The following ACVR1B variants were observed in gnomAD, a reference collection of about 807,000 sequenced individuals.
ACVR1B encodes the protein activin A receptor type 1B.
Under a neutral mutation model 55.6 loss-of-function variants are expected in ACVR1B, and 15 were observed. The ratio of observed to expected loss-of-function variants is 0.27; its 90% confidence interval spans 0.18 to 0.42. ACVR1B has a LOEUF of 0.42. Ranked by LOEUF, ACVR1B falls within the 10% of genes least tolerant of loss-of-function variation. ACVR1B has a pLI of 1.00. For missense variants in ACVR1B, 359 were observed against 670.1 expected, an observed-to-expected ratio of 0.54 and a Z score of 5.13; for synonymous variants, 247 against 254.6, an observed-to-expected ratio of 0.97 and a Z score of 0.28.
At chr12:51,984,275 T>C in intron 5 of ACVR1B, 109 bp downstream of exon 5, 1 of 1,274,224 alleles carries the variant, frequency 7.8e-7, no homozygotes, top group Non-Finnish European at 1.1e-6. Context: ...GGGCTGGACC[T>C]CAGGAACTCT....
intron 1 of ACVR1B, among the ~76,000 whole-genome samples, chr12:51,972,278 A>G (rs1370002731): frequency 6.6e-6 from 1 of 152,228 alleles, no homozygotes; most frequent in Non-Finnish European, 1.5e-5. Flanking sequence ...TAATTCTTAC[A>G]TAGCCCTGTG....
intron 1 of ACVR1B, among the ~76,000 whole-genome samples, chr12:51,959,340 G>A (rs1401943973): frequency 2.0e-5 from 3 of 152,236 alleles, no homozygotes; most frequent in Non-Finnish European, 4.4e-5. Context: ...GCAAGCAGAC[G>A]TCCATGTTGT....
intron 1 of ACVR1B, among the ~76,000 whole-genome samples, chr12:51,965,175 A>G (rs1481395245): frequency 2.0e-5 from 3 of 152,212 alleles, no homozygotes. Context: ...TAGTATGCCT[A>G]AGAAACCCTG....
rs1373418975 is a variant in ACVR1B, at chr12:51,987,263, TG to T, written c.1261+323del. The T allele has an allele frequency of 9.7e-6, 6 of 617,578 alleles. No individual in the cohort carries two copies. In the East Asian group the frequency reaches 1.6e-4, roughly 17 times the overall value. 38.3% of individuals were successfully genotyped at this position (617,578 alleles called of 1,614,324 possible). Reference sequence around the variant, plus strand: ...TGCGCATAGCACGGGATTCATGCAGTGGTCTCCTTCACATCAGAAGCAGTAT... The same window carrying T: ...TGCGCATAGCACGGGATTCATGCAGTGTCTCCTTCACATCAGAAGCAGTAT... On this transcript the variant is annotated intron_variant, in intron 7 of 8. Coordinates refer to ENST00000257963, the MANE Select transcript of ACVR1B (RefSeq NM_004302.5).
chr12:51,992,253 G>A (rs564428915), intron 8 of ACVR1B: 12 of 508,312 alleles, frequency 2.4e-5, no homozygotes, highest in South Asian at 6.5e-5. Flanking sequence ...GCCTGTAATC[G>A]TAGCGCTTTG....
chr12:51,994,838 TAGTG>T lies in ACVR1B; in HGVS notation c.*731_*734del, dbSNP rs1942270791. On this transcript the variant is annotated 3_prime_UTR_variant, in exon 9 of 9. Coordinates refer to ENST00000257963, the MANE Select transcript of ACVR1B (RefSeq NM_004302.5). This position sits in a 1 kb window ranked among gnomAD's most constrained non-coding sequence, Gnocchi z 4.2. The stretch of plus-strand genomic sequence containing the variant: ...CGTGCTTGCTGGTGCCTCTTTTCAG[TAGTG>T]AGCAGCATCTAGTTTCCCTGGTGCC... The T allele has an allele frequency of 6.5e-6, 1 of 153,152 alleles. No homozygotes were observed. Among genetic ancestry groups the T allele is most frequent in the South Asian group, 2.1e-4 (1 of 4,832 alleles). The allele number at this position is 153,152 out of a possible 1,614,324, so 9.5% of individuals were successfully genotyped here.
intron 3 of ACVR1B, 122 bp downstream of exon 3, chr12:51,976,697 G>A (rs1384840922): frequency 2.4e-6 from 3 of 1,260,510 alleles, no homozygotes; most frequent in Non-Finnish European, 3.3e-6. Context: ...GAGTCATTTG[G>A]TTTCCTAGTT....
At chr12:51,990,577 A>G (rs1942171892) in intron 7 of ACVR1B, among the ~76,000 whole-genome samples, 1 of 152,046 alleles carries the variant, frequency 6.6e-6, no homozygotes, top group African/African-American at 2.4e-5. Flanking sequence ...CGGCCTCCCA[A>G]AGTGCTAGAA....
intron 1 of ACVR1B, among the ~76,000 whole-genome samples, chr12:51,954,339 T>C (rs187057555): frequency 7.2e-5 from 11 of 152,338 alleles, no homozygotes; most frequent in Admixed American, 3.3e-4. Flanking sequence ...GGCTTTGGAA[T>C]TTTCACATTT....
Position 51,975,465 on chromosome 12 carries a change from A to G in ACVR1B, c.292A>G (p.Thr98Ala), listed in dbSNP as rs1418535811. 2 of 1,614,230 alleles carry G rather than the reference A, an allele frequency of 1.2e-6. No homozygotes were observed. Among genetic ancestry groups the G allele is most frequent in the Non-Finnish European group, 1.7e-6 (2 of 1,180,040 alleles). The change falls in exon 2 of 9, where the codon ACT becomes GCT. Residue 98 changes from threonine to alanine, a missense_variant. Transcript: ENST00000257963. Reference sequence around the variant, plus strand: ...CCTGCGCAACACCCACTGCTGCTACACTGACTACTGCAACAGGATCGACTT... The same window carrying G: ...CCTGCGCAACACCCACTGCTGCTACGCTGACTACTGCAACAGGATCGACTT... ...EDLRNTHCCY[T>A]DYCNRIDLRV...
chr12:51,970,776 C>T (rs1393872811), intron 1 of ACVR1B, among the ~76,000 whole-genome samples: 3 of 152,028 alleles, frequency 2.0e-5, no homozygotes, highest in South Asian at 2.1e-4. Flanking sequence ...GAAGGTTGCC[C>T]GGTGAAATTT....
At chr12:51,993,885 G>T (rs1264523467) in intron 8 of ACVR1B, 100 bp from the exon 9 acceptor site, 1 of 1,480,590 alleles carries the variant, frequency 6.8e-7, no homozygotes, top group East Asian at 2.5e-5. Context: ...CTGCCAGACT[G>T]CACTGAGCGG....
rs562606757 is a variant in ACVR1B, at chr12:51,988,923, G to A, written c.1261+1981G>A. Among the ~76,000 whole-genome samples the A allele has an allele frequency of 5.9e-5, 9 of 152,208 alleles. No homozygotes were observed. In the East Asian group the frequency reaches 1.7e-3, roughly 29 times the overall value. Reference sequence around the variant, plus strand: ...ACCTGAGGCCAGGAGTTTGAGACCAGCTTGGGCTACATGGTGAAACTCTAT... The same window carrying A: ...ACCTGAGGCCAGGAGTTTGAGACCAACTTGGGCTACATGGTGAAACTCTAT... On this transcript the variant is annotated intron_variant, in intron 7 of 8. Transcript: ENST00000257963.
At chr12:51,954,635 C>T (rs1342576040) in intron 1 of ACVR1B, among the ~76,000 whole-genome samples, 3 of 152,184 alleles carry the variant, frequency 2.0e-5, no homozygotes, top group Admixed American at 2.0e-4. Context: ...AGGTTAAAGC[C>T]AGATGGAGGG....
chr12:51,955,410 T>G (rs1228916929), intron 1 of ACVR1B, among the ~76,000 whole-genome samples: 5 of 152,252 alleles, frequency 3.3e-5, no homozygotes, highest in Non-Finnish European at 7.3e-5. Flanking sequence ...ACGTGCTGCT[T>G]CTTCCAGCAT....
intron 3 of ACVR1B, among the ~76,000 whole-genome samples, chr12:51,980,571 T>C (rs1565618747): frequency 6.6e-6 from 1 of 152,268 alleles, no homozygotes. Context: ...AGCCCACACT[T>C]TCATGTTCTC....
chr12:51,994,370 C>A lies in ACVR1B; in HGVS notation c.*260C>A. The A allele has an allele frequency of 2.4e-6, 1 of 423,818 alleles. No individual in the cohort carries two copies. Among genetic ancestry groups the A allele is most frequent in the Non-Finnish European group, 4.3e-6 (1 of 233,962 alleles). 26.3% of individuals were successfully genotyped at this position (423,818 alleles called of 1,614,324 possible). On this transcript the variant is annotated 3_prime_UTR_variant, in exon 9 of 9. Transcript: ENST00000257963. The surrounding 1 kb of genome is among the most constrained non-coding windows in gnomAD (Gnocchi z 4.2). The stretch of plus-strand genomic sequence containing the variant: ...GGAGAACTCAGTGCCACACCTCGAA[C>A]TGGTTGTAGTGGGAAGTCCCGCGAA...
At chr12:51,959,898 T>C (rs148335368) in intron 1 of ACVR1B, among the ~76,000 whole-genome samples, 6 of 151,728 alleles carry the variant, frequency 4.0e-5, no homozygotes, top group South Asian at 2.1e-4. Flanking sequence ...AATCTGGGAA[T>C]TGAAGTATTT....
chr12:51,981,299 C>T, intron 4 of ACVR1B, 100 bp downstream of exon 4: 1 of 1,027,190 alleles, frequency 9.7e-7, no homozygotes, highest in Non-Finnish European at 1.4e-6. Context: ...TCATTGTAAC[C>T]CGTAGAAAGA....
Sources: allele counts gnomAD v4.1 joint callset (sites outside exome capture counted in the v4.1 genomes callset), GRCh38; gene constraint gnomAD v4.1.1; non-coding constraint Gnocchi (gnomAD v3.1); transcripts MANE v1.5; gene names NCBI Gene and HGNC (gene_info 2026-07-23, HGNC 2026-07-21).